The following CCDC146 variants were observed in gnomAD, a reference collection of about 807,000 sequenced individuals.
The protein encoded by CCDC146 is coiled-coil domain-containing protein 146.
CCDC146 carries 92 observed loss-of-function variants against 119.3 expected under a neutral mutation model. That is an observed-to-expected ratio of 0.77 (90% CI 0.65 to 0.92). CCDC146 has a LOEUF of 0.92. CCDC146 is among the 40% of genes least tolerant of loss of function. The probability of loss-of-function intolerance (pLI) is 0.00; values close to 1 mark genes in which losing one functional copy is unlikely to be tolerated. For missense variants in CCDC146, 1,000 were observed against 1,103.0 expected, an observed-to-expected ratio of 0.91 and a Z score of 1.32; for synonymous variants, 372 against 371.8, an observed-to-expected ratio of 1.00 and a Z score of -0.01.
At chr7:77,134,224 T>G (rs537828265) in intron 1 of CCDC146, among the ~76,000 whole-genome samples, 3 of 152,002 alleles carry the variant, frequency 2.0e-5, no homozygotes, top group Non-Finnish European at 4.4e-5. Flanking sequence ...TAGAGCCAAA[T>G]GTAGTGTCAT....
chr7:77,200,962 T>A (rs1791976461), intron 2 of CCDC146, among the ~76,000 whole-genome samples: 1 of 152,230 alleles, frequency 6.6e-6, no homozygotes, highest in Non-Finnish European at 1.5e-5. Flanking sequence ...CTTAAAACAC[T>A]CTGTAGCCTA....
chr7:77,163,891 G>A (rs4398830), intron 1 of CCDC146, among the ~76,000 whole-genome samples: 19,358 of 127,654 alleles, frequency 0.15, 1,758 homozygotes, highest in Admixed American at 0.29. Context: ...ACAGAGTCTC[G>A]CTCTTTCTCC....
At chr7:77,225,780 T>C (rs540466631) in intron 2 of CCDC146, among the ~76,000 whole-genome samples, 2 of 151,964 alleles carry the variant, frequency 1.3e-5, no homozygotes, top group South Asian at 2.1e-4. Flanking sequence ...CCGTCTCTAC[T>C]AAATATACAA....
intron 2 of CCDC146, among the ~76,000 whole-genome samples, chr7:77,233,094 GT>G (rs10645152): frequency 6.2e-5 from 9 of 144,704 alleles, no homozygotes; most frequent in Admixed American, 1.4e-4. Flanking sequence ...TCTTTTGTTT[GT>G]TTTTTTTTTT....
intron 1 of CCDC146, among the ~76,000 whole-genome samples, chr7:77,164,187 G>A (rs900174861): frequency 2.6e-5 from 4 of 151,962 alleles, no homozygotes; most frequent in Non-Finnish European, 2.9e-5. Flanking sequence ...TAATAAAAAA[G>A]TTAAATAAGA....
chr7:77,272,914 C>A (rs1368301569), intron 9 of CCDC146, among the ~76,000 whole-genome samples: 1 of 152,168 alleles, frequency 6.6e-6, no homozygotes, highest in Non-Finnish European at 1.5e-5. Flanking sequence ...AAGAAATTTC[C>A]AGCTACTAAT....
At chr7:77,209,648 G>A (rs571897213) in intron 2 of CCDC146, among the ~76,000 whole-genome samples, 1 of 152,340 alleles carries the variant, frequency 6.6e-6, no homozygotes, top group South Asian at 2.1e-4. Context: ...CCATAGTAGA[G>A]GTTCTCCATG....
chr7:77,205,652 G>A (rs1792069160), intron 2 of CCDC146, among the ~76,000 whole-genome samples: 1 of 152,116 alleles, frequency 6.6e-6, no homozygotes, highest in African/African-American at 2.4e-5. Flanking sequence ...CCAGCTACTC[G>A]GCAGGCTGAA....
intron 17 of CCDC146, among the ~76,000 whole-genome samples, chr7:77,290,234 T>G (rs1184257273): frequency 1.3e-4 from 12 of 94,088 alleles, no homozygotes; most frequent in South Asian, 3.9e-4. Context: ...GGGCCTGTCA[T>G]GGGGTGGGGG....
intron 2 of CCDC146, chr7:77,199,365 C>T (rs770598217): frequency 1.9e-6 from 3 of 1,613,998 alleles, no homozygotes; most frequent in African/African-American, 2.7e-5. Flanking sequence ...CATTCTTTAG[C>T]TCAGAGGACA....
chr7:77,258,289 A>C (rs1040930346), intron 6 of CCDC146, among the ~76,000 whole-genome samples: 3 of 152,108 alleles, frequency 2.0e-5, no homozygotes, highest in Non-Finnish European at 4.4e-5. Flanking sequence ...AGCCAGTGAC[A>C]ATCTGATGGA....
At chr7:77,159,120 T>C (rs1308922266) in intron 1 of CCDC146, among the ~76,000 whole-genome samples, 3 of 152,186 alleles carry the variant, frequency 2.0e-5, no homozygotes, top group Non-Finnish European at 4.4e-5. Context: ...TCTATCACCA[T>C]CCAAAGTTTT....
intron 11 of CCDC146, among the ~76,000 whole-genome samples, chr7:77,276,659 C>G (rs188681471): frequency 6.6e-6 from 1 of 152,194 alleles, no homozygotes; most frequent in African/African-American, 2.4e-5. Context: ...TTGGGTTTCA[C>G]TAGGTAAAGA....
At chr7:77,176,592 G>GAC (rs1791503867) in intron 2 of CCDC146, among the ~76,000 whole-genome samples, 1 of 152,100 alleles carries the variant, frequency 6.6e-6, no homozygotes, top group Admixed American at 6.6e-5. Flanking sequence ...AGGTGTAGTA[G>GAC]ACACGGTAGG....
At chr7:77,259,936 G>A (rs1276480850) in intron 7 of CCDC146, 73 bp from the exon 8 acceptor site, 2 of 930,544 alleles carry the variant, frequency 2.1e-6, no homozygotes, top group African/African-American at 1.8e-5. Context: ...TCAAAATAAG[G>A]CAAGTGTGTG....
chr7:77,186,640 C>T (rs1791671941), intron 2 of CCDC146, among the ~76,000 whole-genome samples: 1 of 151,946 alleles, frequency 6.6e-6, no homozygotes, highest in South Asian at 2.1e-4. Context: ...TTGTTTGTAA[C>T]ACAAAGGATA....
chr7:77,134,818 G>A (rs552008455), intron 1 of CCDC146, among the ~76,000 whole-genome samples: 24 of 152,298 alleles, frequency 1.6e-4, no homozygotes, highest in African/African-American at 4.3e-4. Flanking sequence ...CCAGCTAGCT[G>A]AGACCCTGAA....
At chr7:77,206,391 C>A (rs1020633424) in intron 2 of CCDC146, among the ~76,000 whole-genome samples, 1 of 152,022 alleles carries the variant, frequency 6.6e-6, no homozygotes, top group African/African-American at 2.4e-5. Context: ...CCAAGGCAGG[C>A]AGATCACTTG....
intron 9 of CCDC146, among the ~76,000 whole-genome samples, chr7:77,265,315 A>G (rs1793380281): frequency 1.3e-5 from 2 of 152,238 alleles, no homozygotes; most frequent in African/African-American, 4.8e-5. Context: ...ATAACTGTTC[A>G]GTAAGATTTC....
Sources: allele counts gnomAD v4.1 joint callset (sites outside exome capture counted in the v4.1 genomes callset), GRCh38; gene constraint gnomAD v4.1.1; transcripts MANE v1.5; gene names NCBI Gene and HGNC (gene_info 2026-07-23, HGNC 2026-07-21).